The following MPND variants were observed in gnomAD, a reference collection of about 807,000 sequenced individuals.
MPND encodes MPN domain containing.
MPND carries 56 observed loss-of-function variants against 59.2 expected under a neutral mutation model. The ratio of observed to expected loss-of-function variants is 0.95; its 90% confidence interval spans 0.76 to 1.18. MPND has a LOEUF of 1.18. Among genes scored for constraint, MPND ranks in the 50% most tolerant of loss-of-function variants. MPND has a pLI of 0.00. For synonymous variants in MPND, 323 were observed against 291.9 expected (o/e 1.11, Z -1.09); for missense variants, 671 against 676.0 (o/e 0.99, Z 0.08).
chr19:4,359,880 C>T lies in MPND; in HGVS notation c.1420-36C>T, dbSNP rs543512676. 1.8e-4 allele frequency: 271 copies of T among 1,523,026 alleles called. 3 individuals carry two copies. In the African/African-American group the frequency reaches 2.3e-3, roughly 13 times the overall value. The allele number at this position is 1,523,026 out of a possible 1,614,324, so 94.3% of individuals were successfully genotyped here. ...TGAGGCGCAGGGCTGGCTAGGACCC[C>T]CGGGCACAGCCTGAGGCCCAGCCCC... On this transcript the variant is annotated intron_variant, in intron 12 of 12. Transcript: ENST00000599840.
rs1209462716 is a variant in MPND, at chr19:4,353,327, G to T, written c.664+298G>T. Reference sequence around the variant, plus strand: ...CTGTCGCCCAGGCTGGAATGCAGTGGCTCAATCTCGGCTCACTGCAACCTC... The same window carrying T: ...CTGTCGCCCAGGCTGGAATGCAGTGTCTCAATCTCGGCTCACTGCAACCTC... On this transcript the variant is annotated intron_variant, in intron 4 of 12. Transcript: ENST00000599840. Among the ~76,000 whole-genome samples the T allele has an allele frequency of 2.0e-5, 3 of 152,100 alleles. No homozygotes were observed. The South Asian group carries it at 6.2e-4, about 32-fold the overall frequency.
chr19:4,346,282 A>T (rs1223668106), intron 3 of MPND, among the ~76,000 whole-genome samples: 1 of 152,144 alleles, frequency 6.6e-6, no homozygotes, highest in Non-Finnish European at 1.5e-5. Context: ...TGCTGGTGTC[A>T]TGGGTGGCTG....
chr19:4,354,213 G>C, intron 5 of MPND, 84 bp downstream of exon 5: 1 of 1,523,080 alleles, frequency 6.6e-7, no homozygotes, highest in Non-Finnish European at 9.0e-7. Flanking sequence ...AGGGGTGGGG[G>C]GTGGGACAGA....
At chr19:4,350,529 G>A (rs1475109146) in intron 3 of MPND, among the ~76,000 whole-genome samples, 1 of 152,188 alleles carries the variant, frequency 6.6e-6, no homozygotes, top group Non-Finnish European at 1.5e-5. Context: ...GAGTGGCCCA[G>A]GCCGACCATG....
chr19:4,356,278 A>G (rs185978829), intron 8 of MPND, among the ~76,000 whole-genome samples: 1 of 152,054 alleles, frequency 6.6e-6, no homozygotes, highest in Non-Finnish European at 1.5e-5. Context: ...AGATCCAGGC[A>G]CCGGGGGTTC....
At chr19:4,345,646 A>C in intron 2 of MPND, 99 bp from the exon 3 acceptor site, 1 of 1,139,824 alleles carries the variant, frequency 8.8e-7, no homozygotes, top group South Asian at 1.4e-5. Flanking sequence ...AAGCCCTGTA[A>C]AGACATGCCT....
At chr19:4,353,392 C>T (rs1972364882) in intron 4 of MPND, among the ~76,000 whole-genome samples, 1 of 152,046 alleles carries the variant, frequency 6.6e-6, no homozygotes, top group Admixed American at 6.6e-5. Flanking sequence ...CTCAGCCTCC[C>T]AAATAGCTGG....
intron 8 of MPND, among the ~76,000 whole-genome samples, chr19:4,355,726 C>T (rs930969936): frequency 2.0e-5 from 3 of 151,612 alleles, no homozygotes; most frequent in Non-Finnish European, 4.4e-5. Context: ...ACCTCAGCCT[C>T]CCAAAGTGTT....
At chr19:4,345,192 A>G (rs1599564379) in intron 2 of MPND, among the ~76,000 whole-genome samples, 1 of 150,148 alleles carries the variant, frequency 6.7e-6, no homozygotes, top group South Asian at 2.1e-4. Flanking sequence ...GATTACAGGC[A>G]CCCGCCACCA....
chr19:4,349,343 A>G (rs906478237), intron 3 of MPND, among the ~76,000 whole-genome samples: 1 of 151,162 alleles, frequency 6.6e-6, no homozygotes. Context: ...CCCAAAGTGC[A>G]GGGATTACAG....
intron 6 of MPND, 58 bp from the exon 7 acceptor site, chr19:4,354,891 C>T (rs1199353717): frequency 7.4e-6 from 11 of 1,491,440 alleles, no homozygotes; most frequent in Non-Finnish European, 1.0e-5. Context: ...AGGCTGGCTC[C>T]AGTGTTGGGG....
At chr19:4,350,097 C>T (rs1383346051) in intron 3 of MPND, among the ~76,000 whole-genome samples, 1 of 149,196 alleles carries the variant, frequency 6.7e-6, no homozygotes, top group African/African-American at 2.5e-5. Context: ...GGGGGCTTCA[C>T]TGAGAAGGTG....
chr19:4,355,722 G>A (rs1207223982), intron 8 of MPND, among the ~76,000 whole-genome samples: 1 of 151,632 alleles, frequency 6.6e-6, no homozygotes, highest in Non-Finnish European at 1.5e-5. Flanking sequence ...GCCCACCTCA[G>A]CCTCCCAAAG....
Position 4,345,777 on chromosome 19 carries a change from C to G in MPND, c.327C>G (p.Asp109Glu), listed in dbSNP as rs200526614. 1 of 1,613,934 alleles carries G rather than the reference C, an allele frequency of 6.2e-7. No homozygotes were observed. Among genetic ancestry groups the G allele is most frequent in the Non-Finnish European group, 8.5e-7 (1 of 1,179,990 alleles). The change falls in exon 3 of 13, where the codon GAC (aspartate) becomes GAG (glutamate). Residue 109 changes from aspartate to glutamate, a missense_variant. Transcript: ENST00000599840. ...AGTTCCTGGGCGACCTGCAGCCAGA[C>G]GGAAGGATCATGTGGCAGGAGACCG... ...GKKFLGDLQP[D>E]GRIMWQETGQ... is the part of the protein sequence containing the mutation.
intron 3 of MPND, chr19:4,347,776 A>G (rs775036742): frequency 1.1e-4 from 58 of 535,540 alleles, no homozygotes; most frequent in Admixed American, 2.5e-4. Context: ...GCAGTGGCAA[A>G]AAAACCCTTG....
rs1972467742 is a variant in MPND at position 4,357,505 on chromosome 19, C to T, written c.1166-10C>T. ...TCCCAGGGCCAACCCCTCTCCCTCT[C>T]TCCCGCCAGCCCCTTACTATTCTGG... is the stretch of plus-strand genomic sequence containing the variant. On this transcript the variant is annotated splice_polypyrimidine_tract_variant and intron_variant, in intron 9 of 12. Transcript: ENST00000599840. 1 of 1,612,506 alleles carries T rather than the reference C, an allele frequency of 6.2e-7. No homozygotes were observed. Among genetic ancestry groups the T allele is most frequent in the Non-Finnish European group, 8.5e-7 (1 of 1,179,420 alleles).
chr19:4,357,260 A>C lies in MPND; in HGVS notation c.1004A>C (p.Gln335Pro). The C allele has an allele frequency of 6.2e-7, 1 of 1,602,498 alleles. No homozygotes were observed. Among genetic ancestry groups the C allele is most frequent in the South Asian group, 1.1e-5 (1 of 89,688 alleles). ...CTGCGCCTCTGTCCCCAGATCTACC[A>C]GAGCCTGTTCCTGCGGGGCCTGTCC... ...TAAAIEEEIY[Q>P]SLFLRGLSLV... The change falls in exon 9 of 13, where the codon CAG (glutamine) becomes CCG (proline). Residue 335 changes from glutamine (Q) to proline (P), a missense_variant. Coordinates refer to ENST00000599840, the MANE Select transcript of MPND (RefSeq NM_001300862.2).
rs376145951 is a variant in MPND at position 4,355,138 on chromosome 19, G to T, written c.961G>T (p.Gly321Trp). The T allele has an allele frequency of 2.5e-6, 4 of 1,613,566 alleles. No individual in the cohort carries two copies. In the South Asian group the frequency reaches 4.4e-5, roughly 18 times the overall value. The change falls in exon 8 of 13, where the codon GGG becomes TGG. Residue 321 changes from glycine to tryptophan, a missense_variant. Transcript: ENST00000599840. ...LRAFPCRSRL[G>W]DAETAAAIEE... ...AGCCTTCCCTTGTCGGAGCCGGCTC[G>T]GGGACGCAGAGACTGCAGCTGCCAT...
In MPND at chr19:4,354,363, C is replaced by T; in HGVS notation, c.789C>T (p.Ala263=). 1.3e-6 allele frequency: 2 copies of T among 1,562,720 alleles called. No individual in the cohort carries two copies. The highest frequency in any genetic ancestry group is 1.2e-5 in the South Asian group (1 of 85,024). ...TGGTGGAAGTAACATCCTTTGCAGCCATCAACAAGTTCCAGCCGTTCAACG... is the reference window on the plus strand; with the variant it reads ...TGGTGGAAGTAACATCCTTTGCAGCTATCAACAAGTTCCAGCCGTTCAACG... ...HTLVEVTSFA[A]INKFQPFNVA... The change falls in exon 6 of 13, where the codon GCC becomes GCT. Residue 263 remains alanine, a synonymous_variant. Coordinates refer to ENST00000599840, the MANE Select transcript of MPND (RefSeq NM_001300862.2).
Sources: allele counts gnomAD v4.1 joint callset (sites outside exome capture counted in the v4.1 genomes callset), GRCh38; gene constraint gnomAD v4.1.1; transcripts MANE v1.5; gene names NCBI Gene and HGNC (gene_info 2026-07-23, HGNC 2026-07-21).